JAKMIP3: variants seen among roughly 807,000 people sequenced by gnomAD.
The protein encoded by JAKMIP3 is janus kinase and microtubule-interacting protein 3.
JAKMIP3 carries 58 observed loss-of-function variants against 118.5 expected under a neutral mutation model. The observed-to-expected ratio is 0.49, with a 90% CI of 0.40 to 0.61. The LOEUF (loss-of-function observed/expected upper bound fraction) is 0.61. Ranked by LOEUF, JAKMIP3 falls within the 20% of genes least tolerant of loss-of-function variation. JAKMIP3 has a pLI of 0.00. For missense variants in JAKMIP3, 950 were observed against 1,109.0 expected, an observed-to-expected ratio of 0.86 and a Z score of 2.04; for synonymous variants, 486 against 451.2, an observed-to-expected ratio of 1.08 and a Z score of -0.98.
At chr10:132,181,916 C>T (rs905283545) in intron 23 of JAKMIP3, among the ~76,000 whole-genome samples, 5 of 152,196 alleles carry the variant, frequency 3.3e-5, no homozygotes, top group Admixed American at 2.6e-4. Context: ...TGATCCGGGG[C>T]CCGCCCTTGT....
In JAKMIP3 at chr10:132,112,537, C is replaced by A. The variant is rs115035918; in HGVS notation, c.136-4540C>A. On this transcript the variant is annotated intron_variant, in intron 2 of 23. Coordinates refer to ENST00000684848, the MANE Select transcript of JAKMIP3 (RefSeq NM_001323087.2). The surrounding 1 kb of genome is among the most constrained non-coding windows in gnomAD (Gnocchi z 4.3). ...TTATTTTGTTCAATTGTATTCTTTTCTTCAGTGTTTTTGTCTACAAAGTCC... is the reference window on the plus strand; with the variant it reads ...TTATTTTGTTCAATTGTATTCTTTTATTCAGTGTTTTTGTCTACAAAGTCC... 0.022 allele frequency among the ~76,000 whole-genome samples: 3,366 copies of A among 152,216 alleles called. 137 individuals carry two copies. The highest frequency in any genetic ancestry group is 0.076 in the African/African-American group (3,169 of 41,510).
At chr10:132,139,107 T>TGA (rs1554946152) in intron 9 of JAKMIP3, among the ~76,000 whole-genome samples, 3 of 150,318 alleles carry the variant, frequency 2.0e-5, no homozygotes, top group Non-Finnish European at 3.0e-5. Flanking sequence ...TGTGTGTACA[T>TGA]GTGTGTGTAT....
At chr10:132,069,062 T>C (rs1257065807) in intron 1 of JAKMIP3, among the ~76,000 whole-genome samples, 2 of 152,156 alleles carry the variant, frequency 1.3e-5, no homozygotes, top group Non-Finnish European at 2.9e-5. Flanking sequence ...ACTGGTCCAA[T>C]GTGTTTAATT....
intron 20 of JAKMIP3, among the ~76,000 whole-genome samples, 177 bp downstream of exon 20, chr10:132,163,589 C>T (rs1480554387): frequency 6.6e-6 from 1 of 152,152 alleles, no homozygotes; most frequent in Admixed American, 6.5e-5. Flanking sequence ...GCCATGCCCC[C>T]AAACCGTCAC....
At chr10:132,149,371 A>G in intron 14 of JAKMIP3, 41 bp from the exon 15 acceptor site, 1 of 1,323,006 alleles carries the variant, frequency 7.6e-7, no homozygotes, top group Non-Finnish European at 1.1e-6. Flanking sequence ...GAGGGAAGGG[A>G]TGGGAGGGGA....
At chr10:132,134,082 C>T (rs1290268812) in intron 4 of JAKMIP3, among the ~76,000 whole-genome samples, 3 of 152,220 alleles carry the variant, frequency 2.0e-5, no homozygotes, top group Non-Finnish European at 4.4e-5. Flanking sequence ...GTCTGCCGAC[C>T]ACCCCGGGCT....
intron 1 of JAKMIP3, among the ~76,000 whole-genome samples, chr10:132,102,085 T>C (rs555370608): frequency 1.3e-5 from 2 of 152,114 alleles, no homozygotes; most frequent in Admixed American, 6.5e-5. Flanking sequence ...GCAAAGCACC[T>C]GCAGAACCTC....
Position 132,139,240 on chromosome 10 carries a change from C to CTG in JAKMIP3, c.1344+1070_1344+1071dup, listed in dbSNP as rs1284873787. 2.8e-3 allele frequency among the ~76,000 whole-genome samples: 235 copies of CTG among 84,896 alleles called. 6 individuals are homozygous for CTG. Among genetic ancestry groups the CTG allele is most frequent in the African/African-American group, 8.5e-3 (199 of 23,290 alleles). 55.7% of individuals were successfully genotyped at this position (84,896 alleles called of 152,430 possible). On this transcript the variant is annotated intron_variant, in intron 9 of 23. Coordinates refer to ENST00000684848, the MANE Select transcript of JAKMIP3 (RefSeq NM_001323087.2). The stretch of plus-strand genomic sequence containing the variant: ...TGTGTACATGTGAGTGTATATGCAT[C>CTG]TGTGTGTGTATGTGTGTGTGTGTAT...
At chr10:132,145,251 T>C in intron 12 of JAKMIP3, 61 bp downstream of exon 12, 1 of 1,355,462 alleles carries the variant, frequency 7.4e-7, no homozygotes, top group South Asian at 1.3e-5. Context: ...TATTTGGCTG[T>C]ACCTAAAGAC....
intron 1 of JAKMIP3, among the ~76,000 whole-genome samples, chr10:132,085,865 T>G (rs2042336014): frequency 1.3e-5 from 2 of 152,174 alleles, no homozygotes; most frequent in Admixed American, 1.3e-4. Flanking sequence ...TTGTTTCAAT[T>G]TCATTTAGTT....
intron 2 of JAKMIP3, among the ~76,000 whole-genome samples, chr10:132,108,609 C>T (rs537953673): frequency 4.6e-5 from 7 of 151,944 alleles, no homozygotes; most frequent in African/African-American, 1.7e-4. Context: ...CTCCTTGCCC[C>T]ACCCCTCCCC....
intron 2 of JAKMIP3, among the ~76,000 whole-genome samples, chr10:132,111,364 A>G (rs1372729027): frequency 6.6e-6 from 1 of 151,904 alleles, no homozygotes; most frequent in Non-Finnish European, 1.5e-5. Flanking sequence ...CCCCATGAGC[A>G]CAGCAAGGTC....
rs984587105 is a variant in JAKMIP3 at position 132,179,152 on chromosome 10, G to A, written c.*1104-3205G>A. 2.6e-5 allele frequency among the ~76,000 whole-genome samples: 4 copies of A among 152,192 alleles called. No homozygotes were observed. The highest frequency in any genetic ancestry group is 5.9e-5 in the Non-Finnish European group (4 of 68,042). ...ATGAGCCAAGTTCATGATTGTGGTT[G>A]TCAACTTGTTCCTACACTTCATCAG... On this transcript the variant is annotated intron_variant, in intron 23 of 23. Coordinates refer to ENST00000684848, the MANE Select transcript of JAKMIP3 (RefSeq NM_001323087.2). This position sits in a 1 kb window ranked among gnomAD's most constrained non-coding sequence, Gnocchi z 4.3.
intron 1 of JAKMIP3, among the ~76,000 whole-genome samples, chr10:132,083,234 A>G (rs1002494921): frequency 1.3e-5 from 2 of 152,098 alleles, no homozygotes; most frequent in African/African-American, 2.4e-5. Context: ...ATTCTTGCAG[A>G]AGTGAGGTGG....
chr10:132,041,722 G>A (rs899390463), intron 1 of JAKMIP3, among the ~76,000 whole-genome samples: 16 of 152,296 alleles, frequency 1.1e-4, no homozygotes, highest in South Asian at 4.1e-4. Flanking sequence ...GAATTTCATC[G>A]TCCGTTATAG....
In JAKMIP3 at chr10:132,133,253, A is replaced by G. The variant is rs967838443; in HGVS notation, c.634-59A>G. ...GCCTGGCAGGGCTGCGCCCGTTTCTATGGTAACTGCAGATCCGTGTCCTGC... is the reference window on the plus strand; with the variant it reads ...GCCTGGCAGGGCTGCGCCCGTTTCTGTGGTAACTGCAGATCCGTGTCCTGC... On this transcript the variant is annotated intron_variant, in intron 3 of 23. Transcript: ENST00000684848. 7.8e-6 allele frequency: 11 copies of G among 1,402,360 alleles called. No individual in the cohort carries two copies. In the African/African-American group the frequency reaches 8.6e-5, roughly 11 times the overall value. 86.9% of individuals were successfully genotyped at this position (1,402,360 alleles called of 1,614,324 possible). A position where few individuals can be genotyped will look rare whatever the true frequency, so the allele number is the denominator to read the frequency against.
At chr10:132,093,452 C>T (rs963812126) in intron 1 of JAKMIP3, among the ~76,000 whole-genome samples, 2 of 152,238 alleles carry the variant, frequency 1.3e-5, no homozygotes, top group African/African-American at 4.8e-5. Flanking sequence ...GCCCCCTCCA[C>T]CAGCCTCGCT....
intron 19 of JAKMIP3, among the ~76,000 whole-genome samples, chr10:132,156,437 G>A (rs1303551410): frequency 6.6e-6 from 1 of 152,178 alleles, no homozygotes; most frequent in East Asian, 1.9e-4. Context: ...AGCCTAGCTG[G>A]CAGGCATCTC....
At position 132,183,006 on chromosome 10, in the gene JAKMIP3, C is replaced by T. The variant is rs1043235131; in HGVS notation, c.*1753C>T. 2.0e-5 allele frequency: 3 copies of T among 152,190 alleles called. No homozygotes were observed. The highest frequency in any genetic ancestry group is 7.2e-5 in the African/African-American group (3 of 41,448). 9.4% of individuals were successfully genotyped at this position (152,190 alleles called of 1,614,324 possible). On this transcript the variant is annotated 3_prime_UTR_variant, in exon 24 of 24. Coordinates refer to ENST00000684848, the MANE Select transcript of JAKMIP3 (RefSeq NM_001323087.2). ...TGATTTACTCGGCAAGATACTGGGC[C>T]AGTTCAGTGTCTCTAGCTGAGCCTG... is the stretch of plus-strand genomic sequence containing the variant.
Sources: allele counts gnomAD v4.1 joint callset (sites outside exome capture counted in the v4.1 genomes callset), GRCh38; gene constraint gnomAD v4.1.1; non-coding constraint Gnocchi (gnomAD v3.1); transcripts MANE v1.5; gene names NCBI Gene and HGNC (gene_info 2026-07-23, HGNC 2026-07-21).